Variants in ZSCAN25 observed in about 807,000 individuals in gnomAD.
ZSCAN25 encodes the protein zinc finger and SCAN domain-containing protein 25.
A neutral mutation model predicts 38.7 loss-of-function variants in ZSCAN25; 27 were observed. The observed-to-expected ratio is 0.70, with a 90% CI of 0.51 to 0.96. The LOEUF is 0.96. Ranked by LOEUF, ZSCAN25 falls within the 40% of genes least tolerant of loss-of-function variation. The pLI, the probability that ZSCAN25 is intolerant of heterozygous loss-of-function variation, is 0.00. For synonymous variants in ZSCAN25, 273 were observed against 277.7 expected (o/e 0.98, Z 0.17); for missense variants, 637 against 705.9 (o/e 0.90, Z 1.11).
At chr7:99,713,529 C>G in the ZSCAN25 span, 26 of 1,613,306 alleles carry the variant, frequency 1.6e-5, no homozygotes, top group Non-Finnish European at 2.1e-5. Flanking sequence ...AGGAAATCCA[C>G]TCGGTGCTAG....
chr7:99,649,978 T>C, the ZSCAN25 span: 1 of 1,463,946 alleles, frequency 6.8e-7, no homozygotes, highest in Non-Finnish European at 9.3e-7. Flanking sequence ...GCCCATAGAA[T>C]GAATTATTAA....
the ZSCAN25 span, among the ~76,000 whole-genome samples, chr7:99,699,264 T>G: frequency 6.6e-6 from 1 of 152,184 alleles, no homozygotes; most frequent in Non-Finnish European, 1.5e-5. Context: ...TCTTCAAAAC[T>G]TCCTCCAAGT....
the ZSCAN25 span, among the ~76,000 whole-genome samples, chr7:99,647,108 C>A: frequency 6.6e-6 from 1 of 152,214 alleles, no homozygotes; most frequent in Admixed American, 6.5e-5. Flanking sequence ...CCAACTCTCA[C>A]CCATCCCTTC....
chr7:99,666,906 G>A, the ZSCAN25 span: 8 of 1,607,092 alleles, frequency 5.0e-6, no homozygotes, highest in Non-Finnish European at 6.8e-6. Flanking sequence ...CCTGTCCCCA[G>A]ATTCATTCTT....
the ZSCAN25 span, among the ~76,000 whole-genome samples, chr7:99,707,216 G>A: frequency 2.0e-5 from 3 of 152,302 alleles, no homozygotes. Flanking sequence ...CAGTAAGGAT[G>A]GCCTTGGACT....
At chr7:99,667,153 A>T in the ZSCAN25 span, 1 of 1,284,738 alleles carries the variant, frequency 7.8e-7, no homozygotes, top group Non-Finnish European at 1.1e-6. Flanking sequence ...ATCCTTATTT[A>T]ACAAATATTT....
the ZSCAN25 span, chr7:99,647,735 G>A: frequency 1.0e-6 from 1 of 985,272 alleles, no homozygotes; most frequent in Admixed American, 6.1e-5. Flanking sequence ...TTGGAATTCT[G>A]ACAAAGGCCC....
rs1807798915 is a variant in ZSCAN25, at chr7:99,629,469, A to T, written c.1084A>T (p.Asn362Tyr). 1 of 1,614,104 alleles carries T rather than the reference A, an allele frequency of 6.2e-7. No individual in the cohort carries two copies. The highest frequency in any genetic ancestry group is 1.3e-5 in the African/African-American group (1 of 74,930). Residue 362 changes from asparagine to tyrosine, a missense_variant, in exon 8 of 8, where the codon AAT becomes TAT. Asn to Tyr is a moderately radical substitution (Grantham distance 143). Coordinates refer to ENST00000394152, the MANE Select transcript of ZSCAN25 (RefSeq NM_145115.3). The surrounding 1 kb of genome is among the most constrained non-coding windows in gnomAD (Gnocchi z 5.6). ...TGGGAAAGGATTCAGTCGGAGCTCC[A>T]ATCTCGTCAGGCACCAGCGAACCCA... ...ECGKGFSRSS[N>Y]LVRHQRTHEE...
the ZSCAN25 span, chr7:99,671,118 TGTGTG>T: frequency 2.4e-4 from 1 of 4,140 alleles, no homozygotes; most frequent in Non-Finnish European, 3.8e-4. Flanking sequence ...ACAGACCATT[TGTGTG>T]TGTGTGTGTG....
chr7:99,725,752 G>A, the ZSCAN25 span, among the ~76,000 whole-genome samples: 12 of 152,134 alleles, frequency 7.9e-5, no homozygotes, highest in African/African-American at 1.9e-4. Context: ...GATGCTACCC[G>A]ATCACCTCGG....
chr7:99,732,670 T>C, the ZSCAN25 span, among the ~76,000 whole-genome samples: 3 of 152,124 alleles, frequency 2.0e-5, no homozygotes, highest in Non-Finnish European at 4.4e-5. Context: ...GAAAAGTTGA[T>C]GGAAGAGGTA....
Position 99,616,987 on chromosome 7 carries a change from C to G in ZSCAN25, c.-288C>G, listed in dbSNP as rs879307878. 6.6e-6 allele frequency: 1 copy of G among 152,234 alleles called. No individual in the cohort carries two copies. Among genetic ancestry groups the G allele is most frequent in the Admixed American group, 6.5e-5 (1 of 15,280 alleles). The allele number at this position is 152,234 out of a possible 1,614,324, so 9.4% of individuals were successfully genotyped here. ...CCGCGGATAGCACTGGCGACCCTAG[C>G]GGGTGAGAGGCCCTTCAGGGCCGCG... On this transcript the variant is annotated 5_prime_UTR_variant, in exon 1 of 8. Transcript: ENST00000394152.
chr7:99,686,019 G>A, the ZSCAN25 span, among the ~76,000 whole-genome samples: 8 of 152,132 alleles, frequency 5.3e-5, no homozygotes, highest in Admixed American at 1.3e-4. Flanking sequence ...GCCAAAACTC[G>A]GGGGGTGGAG....
chr7:99,731,183 G>C, the ZSCAN25 span: 5 of 1,612,732 alleles, frequency 3.1e-6, no homozygotes, highest in South Asian at 5.5e-5. Flanking sequence ...CAGGTCTCAG[G>C]GATTGTGACT....
At chr7:99,666,571 T>C in the ZSCAN25 span, 1 of 1,607,500 alleles carries the variant, frequency 6.2e-7, no homozygotes, top group Non-Finnish European at 8.5e-7. Flanking sequence ...TCATGACAGC[T>C]CAGAACCCCA....
the ZSCAN25 span, chr7:99,638,113 T>C: frequency 1.1e-6 from 1 of 949,708 alleles, no homozygotes; most frequent in East Asian, 2.7e-5. Flanking sequence ...CCCCCCAAAC[T>C]GTAGAACAGT....
At chr7:99,724,832 A>G in the ZSCAN25 span, among the ~76,000 whole-genome samples, 1 of 152,110 alleles carries the variant, frequency 6.6e-6, no homozygotes, top group African/African-American at 2.4e-5. Flanking sequence ...AGACCCCACT[A>G]AATATATACA....
chr7:99,624,483 A>G lies in ZSCAN25; in HGVS notation c.805+303A>G, dbSNP rs1198716030. The G allele has an allele frequency of 2.8e-5, 10 of 356,088 alleles. No homozygotes were observed. The East Asian group carries it at 5.1e-4, about 18-fold the overall frequency. The allele number at this position is 356,088 out of a possible 1,614,324, so 22.1% of individuals were successfully genotyped here. ...GACACTGAGGGCTTGAGAACAAGATACGAACAGCAAAAGATGGGGCATCTG... is the reference window on the plus strand; with the variant it reads ...GACACTGAGGGCTTGAGAACAAGATGCGAACAGCAAAAGATGGGGCATCTG... On this transcript the variant is annotated intron_variant, in intron 7 of 7. Coordinates refer to ENST00000394152, the MANE Select transcript of ZSCAN25 (RefSeq NM_145115.3).
At chr7:99,728,532 C>CTTTTCACT in the ZSCAN25 span, among the ~76,000 whole-genome samples, 1 of 152,216 alleles carries the variant, frequency 6.6e-6, no homozygotes, top group African/African-American at 2.4e-5. Flanking sequence ...TCCCTCTCAT[C>CTTTTCACT]TTTTCACTTT....
Sources: gnomAD v4.1 joint callset for allele counts (sites outside exome capture counted in the v4.1 genomes callset) on GRCh38, gnomAD v4.1.1 for gene constraint, Gnocchi (gnomAD v3.1) non-coding constraint, MANE v1.5 for transcripts, NCBI Gene and HGNC (gene_info 2026-07-23, HGNC 2026-07-21) for gene names.